NBEAL1: variants seen among roughly 807,000 people sequenced by gnomAD.
NBEAL1 encodes the protein neurobeachin-like protein 1.
Under a neutral mutation model 351.3 loss-of-function variants are expected in NBEAL1, and 273 were observed. That is an observed-to-expected ratio of 0.78 (90% CI 0.70 to 0.86). The LOEUF is 0.86. NBEAL1 is among the 40% of genes least tolerant of loss of function. The pLI, the probability that NBEAL1 is intolerant of heterozygous loss-of-function variation, is 0.00. For missense variants in NBEAL1, 2,961 were observed against 3,201.3 expected (o/e 0.92, Z 1.81); for synonymous variants, 1,050 against 1,086.4 (o/e 0.97, Z 0.66).
chr2:203,202,960 TTCA>T (rs1173831912), intron 51 of NBEAL1, among the ~76,000 whole-genome samples, 179 bp downstream of exon 51: 1 of 152,232 alleles, frequency 6.6e-6, no homozygotes, highest in Non-Finnish European at 1.5e-5. Context: ...TACTGTCTGA[TTCA>T]TTACCTTATT....
chr2:203,119,405 C>T (rs1217448074), intron 18 of NBEAL1, among the ~76,000 whole-genome samples: 1 of 122,204 alleles, frequency 8.2e-6, no homozygotes, highest in African/African-American at 2.9e-5. Flanking sequence ...AGGCGTGAGC[C>T]ACTGCATACG....
rs376358603 is a variant in NBEAL1 at position 203,212,753 on chromosome 2, G to C, written c.7935-765G>C. ...GGATTAGCACGGATCTGAGTAGTCA[G>C]AGGAGTCTTGATGAAGGATTAGTAG... On this transcript the variant is annotated intron_variant, in intron 54 of 55. Transcript: ENST00000683969. 5.3e-5 allele frequency among the ~76,000 whole-genome samples: 8 copies of C among 152,278 alleles called. No homozygotes were observed. In the East Asian group the frequency reaches 1.2e-3, roughly 22 times the overall value.
intron 2 of NBEAL1, among the ~76,000 whole-genome samples, chr2:203,039,223 TC>T (rs2061091075): frequency 9.9e-5 from 1 of 10,088 alleles, no homozygotes; most frequent in Non-Finnish European, 2.6e-4. Flanking sequence ...TCCTTTCCCT[TC>T]CCTTCCCTTC....
At chr2:203,107,566 G>T in intron 13 of NBEAL1, 42 bp from the exon 14 acceptor site, 1 of 1,541,740 alleles carries the variant, frequency 6.5e-7, no homozygotes, top group Non-Finnish European at 8.8e-7. Context: ...TATCCATTTT[G>T]AAAATGATAA....
At chr2:203,209,643 G>A (rs985158535) in intron 53 of NBEAL1, among the ~76,000 whole-genome samples, 2 of 151,174 alleles carry the variant, frequency 1.3e-5, no homozygotes, top group Non-Finnish European at 2.9e-5. Flanking sequence ...CATAAGGCAG[G>A]GTATAAATAA....
Position 203,221,254 on chromosome 2 carries a change from T to G in NBEAL1, c.*3900T>G, listed in dbSNP as rs2065950979. On this transcript the variant is annotated 3_prime_UTR_variant, in exon 56 of 56. Coordinates refer to ENST00000683969, the MANE Select transcript of NBEAL1 (RefSeq NM_001378026.1). ...TACTAAAGAGACCACTGAGGAAATC[T>G]TGTAATTGAACTTAAGGAAGTTAGC... 6.6e-6 allele frequency among the ~76,000 whole-genome samples: 1 copy of G among 151,938 alleles called. No individual in the cohort carries two copies. The highest frequency in any genetic ancestry group is 1.5e-5 in the Non-Finnish European group (1 of 67,964).
chr2:203,132,683 A>C (rs2063101266), intron 26 of NBEAL1, among the ~76,000 whole-genome samples: 1 of 152,046 alleles, frequency 6.6e-6, no homozygotes, highest in Non-Finnish European at 1.5e-5. Context: ...AATTTTTTTA[A>C]ATAATTTTTT....
At chr2:203,174,998 T>TAATG in intron 41 of NBEAL1, 149 bp from the exon 42 acceptor site, 1 of 636,096 alleles carries the variant, frequency 1.6e-6, no homozygotes, top group Non-Finnish European at 2.6e-6. Context: ...TAGTATGGTA[T>TAATG]AATGATATGA....
At chr2:203,042,097 C>A (rs1479273001) in intron 3 of NBEAL1, among the ~76,000 whole-genome samples, 1 of 152,214 alleles carries the variant, frequency 6.6e-6, no homozygotes, top group East Asian at 1.9e-4. Flanking sequence ...CAACACACTT[C>A]ATTTCTGACA....
chr2:203,133,421 C>T (rs570698686), intron 27 of NBEAL1, among the ~76,000 whole-genome samples: 101 of 152,006 alleles, frequency 6.6e-4, no homozygotes, highest in African/African-American at 2.4e-3. Context: ...TATTAAGAAC[C>T]TTCAATGATT....
intron 50 of NBEAL1, among the ~76,000 whole-genome samples, chr2:203,202,418 C>T (rs2065426037): frequency 6.6e-6 from 1 of 152,150 alleles, no homozygotes; most frequent in Non-Finnish European, 1.5e-5. Context: ...ATCTAACCTC[C>T]TCCCAAGATT....
rs116597333 is a variant in NBEAL1, at chr2:203,208,811, C to T, written c.7623+58C>T. ...TTTGTCTACAAATTTATTACCAACACTTATAACTAAAAAGTTTTTCAGAGG... is the reference window on the plus strand; with the variant it reads ...TTTGTCTACAAATTTATTACCAACATTTATAACTAAAAAGTTTTTCAGAGG... On this transcript the variant is annotated intron_variant, in intron 52 of 55. Coordinates refer to ENST00000683969, the MANE Select transcript of NBEAL1 (RefSeq NM_001378026.1). The T allele has an allele frequency of 1.9e-3, 2,484 of 1,313,146 alleles. 45 individuals are homozygous for T. In the African/African-American group the frequency reaches 0.034, roughly 18 times the overall value. The allele number at this position is 1,313,146 out of a possible 1,614,324, so 81.3% of individuals were successfully genotyped here.
intron 44 of NBEAL1, among the ~76,000 whole-genome samples, chr2:203,185,362 A>C (rs1190521795): frequency 2.0e-5 from 3 of 152,156 alleles, no homozygotes; most frequent in Non-Finnish European, 2.9e-5. Context: ...ACTGTTCCAA[A>C]ATTCAGTGGC....
At chr2:203,157,066 G>T (rs1462982995) in intron 35 of NBEAL1, among the ~76,000 whole-genome samples, 1 of 152,122 alleles carries the variant, frequency 6.6e-6, no homozygotes, top group African/African-American at 2.4e-5. Flanking sequence ...ATTCAGAAGG[G>T]TCATTGGCTT....
At chr2:203,110,987 A>G (rs894995056) in intron 15 of NBEAL1, among the ~76,000 whole-genome samples, 4 of 151,826 alleles carry the variant, frequency 2.6e-5, no homozygotes, top group Non-Finnish European at 5.9e-5. Flanking sequence ...GATGGTCTTG[A>G]TCTCTTGACC....
intron 36 of NBEAL1, among the ~76,000 whole-genome samples, chr2:203,164,864 T>A (rs946937311): frequency 6.7e-6 from 1 of 149,754 alleles, no homozygotes; most frequent in Non-Finnish European, 1.5e-5. Flanking sequence ...CATTTCTCTT[T>A]TTTTTTTTTT....
intron 44 of NBEAL1, among the ~76,000 whole-genome samples, chr2:203,185,807 T>C (rs1242094365): frequency 6.6e-6 from 1 of 152,230 alleles, no homozygotes; most frequent in Non-Finnish European, 1.5e-5. Context: ...GCTTCCACTC[T>C]TTCTTCATAG....
chr2:203,032,199 C>T lies in NBEAL1; in HGVS notation c.52-9566C>T, dbSNP rs553457315. On this transcript the variant is annotated intron_variant, in intron 2 of 55. Coordinates refer to ENST00000683969, the MANE Select transcript of NBEAL1 (RefSeq NM_001378026.1). ...TGACTGTGTCCTTAGTTGGCATGTT[C>T]ATTATGAGATCATGAGAAATCCTGA... Among the ~76,000 whole-genome samples, 10 of 152,168 alleles carry T rather than the reference C, an allele frequency of 6.6e-5. No homozygotes were observed. In the East Asian group the frequency reaches 1.5e-3, roughly 24 times the overall value.
intron 35 of NBEAL1, 61 bp from the exon 36 acceptor site, chr2:203,157,638 C>A (rs1486357902): frequency 3.1e-6 from 4 of 1,282,392 alleles, no homozygotes; most frequent in Non-Finnish European, 4.2e-6. Context: ...TCAGAAATTA[C>A]AGAAAGGCTA....
Sources: allele counts gnomAD v4.1 joint callset (sites outside exome capture counted in the v4.1 genomes callset), GRCh38; gene constraint gnomAD v4.1.1; transcripts MANE v1.5; gene names NCBI Gene and HGNC (gene_info 2026-07-23, HGNC 2026-07-21).